Variants in RAD51B observed in about 807,000 individuals in gnomAD.
RAD51B encodes the protein RAD51 paralog B.
A neutral mutation model predicts 42.2 loss-of-function variants in RAD51B; 38 were observed. The observed-to-expected ratio is 0.90, with a 90% CI of 0.70 to 1.18. The LOEUF is 1.18. Among genes scored for constraint, RAD51B ranks in the 50% most tolerant of loss-of-function variants. The probability of loss-of-function intolerance (pLI) is 0.00; values close to 1 mark genes in which losing one functional copy is unlikely to be tolerated. For missense variants in RAD51B, 373 were observed against 400.7 expected (o/e 0.93, Z 0.59); for synonymous variants, 154 against 145.2 (o/e 1.06, Z -0.43).
intron 7 of RAD51B, among the ~76,000 whole-genome samples, chr14:68,142,741 G>A (rs1403489624): frequency 1.3e-5 from 2 of 152,130 alleles, no homozygotes; most frequent in Non-Finnish European, 2.9e-5. Flanking sequence ...AATGCCATGT[G>A]TTTTGCTTGG....
intron 10 of RAD51B, among the ~76,000 whole-genome samples, chr14:68,585,866 G>T (rs1195338338): frequency 6.6e-6 from 1 of 152,116 alleles, no homozygotes; most frequent in Non-Finnish European, 1.5e-5. Flanking sequence ...TGTTGGTGGG[G>T]AGGCAAGGAG....
At chr14:68,476,908 A>C (rs752207250) in intron 10 of RAD51B, among the ~76,000 whole-genome samples, 1 of 152,154 alleles carries the variant, frequency 6.6e-6, no homozygotes, top group Non-Finnish European at 1.5e-5. Flanking sequence ...CTCCCCAGCT[A>C]GACTGCTTGA....
intron 10 of RAD51B, among the ~76,000 whole-genome samples, chr14:68,483,574 T>C (rs959630995): frequency 1.2e-4 from 18 of 152,194 alleles, no homozygotes; most frequent in Admixed American, 1.3e-4. Flanking sequence ...CATCATGCCT[T>C]GTGTGAAAAG....
chr14:68,075,027 A>C (rs2076809510), intron 7 of RAD51B, among the ~76,000 whole-genome samples: 1 of 152,188 alleles, frequency 6.6e-6, no homozygotes, highest in African/African-American at 2.4e-5. Flanking sequence ...GATGGAGCTC[A>C]GGCTTTGTGC....
intron 9 of RAD51B, among the ~76,000 whole-genome samples, chr14:68,425,882 A>AT (rs1185121882): frequency 6.6e-6 from 1 of 152,230 alleles, no homozygotes; most frequent in Non-Finnish European, 1.5e-5. Context: ...TAGAGATTAC[A>AT]TAAGTGATTG....
chr14:67,937,057 A>G (rs2044980890), intron 7 of RAD51B, among the ~76,000 whole-genome samples: 1 of 152,180 alleles, frequency 6.6e-6, no homozygotes, highest in Non-Finnish European at 1.5e-5. Flanking sequence ...TGTAGCAGAA[A>G]TATGTTATAT....
In RAD51B at chr14:68,658,729, C is replaced by G. The variant is rs900075854; in HGVS notation, c.*11+7873C>G. ...CCACCAGATCATCATCATCCTCGTCCTCCTGATCATCAACACCATTGTCAT... is the reference window on the plus strand; with the variant it reads ...CCACCAGATCATCATCATCCTCGTCGTCCTGATCATCAACACCATTGTCAT... On this transcript the variant is annotated intron_variant, in intron 11 of 11. Transcript: ENST00000488612. Among the ~76,000 whole-genome samples the G allele has an allele frequency of 2.0e-5, 3 of 152,340 alleles. No individual in the cohort carries two copies. The East Asian group carries it at 5.8e-4, about 29-fold the overall frequency.
intron 8 of RAD51B, among the ~76,000 whole-genome samples, chr14:68,298,850 G>T (rs1317554584): frequency 1.3e-5 from 2 of 152,148 alleles, no homozygotes; most frequent in African/African-American, 4.8e-5. Context: ...AAGAAGAAAA[G>T]AATGGCTGGA....
intron 7 of RAD51B, among the ~76,000 whole-genome samples, chr14:67,966,378 C>T (rs1402809194): frequency 6.6e-6 from 1 of 152,176 alleles, no homozygotes; most frequent in Non-Finnish European, 1.5e-5. Flanking sequence ...TCATGCTTCT[C>T]CCTAACCATT....
At chr14:68,151,444 A>G (rs1054034326) in intron 7 of RAD51B, among the ~76,000 whole-genome samples, 2 of 151,782 alleles carry the variant, frequency 1.3e-5, no homozygotes, top group African/African-American at 2.4e-5. Context: ...ATGTTTGTTT[A>G]GCATTTTCAT....
chr14:68,645,613 C>G (rs1043208258), intron 10 of RAD51B, among the ~76,000 whole-genome samples: 8 of 152,146 alleles, frequency 5.3e-5, no homozygotes, highest in African/African-American at 1.9e-4. Flanking sequence ...TTTAAATTCC[C>G]ACCAATAGTG....
At chr14:67,916,439 G>A (rs1210717546) in intron 7 of RAD51B, among the ~76,000 whole-genome samples, 1 of 151,818 alleles carries the variant, frequency 6.6e-6, no homozygotes, top group Admixed American at 6.6e-5. Flanking sequence ...ACGGGGTTTC[G>A]CCATGTTGCC....
At chr14:67,929,468 G>A (rs1200840253) in intron 7 of RAD51B, among the ~76,000 whole-genome samples, 1 of 152,090 alleles carries the variant, frequency 6.6e-6, no homozygotes, top group Non-Finnish European at 1.5e-5. Context: ...TATGATTTTA[G>A]CTTTGGAAAG....
chr14:68,081,298 C>T (rs980141074), intron 7 of RAD51B, among the ~76,000 whole-genome samples: 1 of 152,064 alleles, frequency 6.6e-6, no homozygotes, highest in Non-Finnish European at 1.5e-5. Flanking sequence ...CTGAAGTGGC[C>T]AGAGATTCAA....
chr14:67,934,282 A>C (rs1230445380), intron 7 of RAD51B, among the ~76,000 whole-genome samples: 2 of 152,180 alleles, frequency 1.3e-5, no homozygotes, highest in African/African-American at 2.4e-5. Flanking sequence ...GGCAGTCTTT[A>C]AGATGCAGAT....
At chr14:68,673,516 A>G (rs529169661) in intron 11 of RAD51B, among the ~76,000 whole-genome samples, 1 of 151,924 alleles carries the variant, frequency 6.6e-6, no homozygotes, top group Non-Finnish European at 1.5e-5. Context: ...ATGTACACAC[A>G]TATGTACGCG....
At chr14:68,397,605 T>C (rs2083962730) in intron 8 of RAD51B, among the ~76,000 whole-genome samples, 1 of 152,178 alleles carries the variant, frequency 6.6e-6, no homozygotes, top group African/African-American at 2.4e-5. Flanking sequence ...AAATGGAGTT[T>C]TCCTCCCTCC....
At chr14:68,640,353 T>G (rs188365987) in intron 10 of RAD51B, among the ~76,000 whole-genome samples, 1 of 152,236 alleles carries the variant, frequency 6.6e-6, no homozygotes, top group Non-Finnish European at 1.5e-5. Flanking sequence ...GAGCCTTGGT[T>G]TCCTCATCTA....
At chr14:68,020,488 T>C (rs1045969138) in intron 7 of RAD51B, among the ~76,000 whole-genome samples, 1 of 152,082 alleles carries the variant, frequency 6.6e-6, no homozygotes, top group African/African-American at 2.4e-5. Flanking sequence ...ACACTAGAAA[T>C]ACACTTCCTT....
Sources: allele counts gnomAD v4.1 joint callset (sites outside exome capture counted in the v4.1 genomes callset), GRCh38; gene constraint gnomAD v4.1.1; transcripts MANE v1.5; gene names NCBI Gene and HGNC (gene_info 2026-07-23, HGNC 2026-07-21).